OPA1: variants seen among roughly 807,000 people sequenced by gnomAD.
OPA1 encodes the protein OPA1 mitochondrial dynamin like GTPase.
OPA1 carries 59 observed loss-of-function variants against 152.9 expected under a neutral mutation model. That is an observed-to-expected ratio of 0.39 (90% CI 0.31 to 0.48). OPA1 has a LOEUF of 0.48. Ranked by LOEUF, OPA1 falls within the 20% of genes least tolerant of loss-of-function variation. The probability of loss-of-function intolerance (pLI) is 0.96; values close to 1 mark genes in which losing one functional copy is unlikely to be tolerated. For missense variants in OPA1, 1,008 were observed against 1,216.8 expected (o/e 0.83, Z 2.55); for synonymous variants, 400 against 389.9 (o/e 1.03, Z -0.31).
At chr3:193,637,117 T>C in intron 9 of OPA1, 78 bp from the exon 10 acceptor site, 1 of 745,908 alleles carries the variant, frequency 1.3e-6, no homozygotes, top group Non-Finnish European at 2.2e-6. Flanking sequence ...ATTTATCACT[T>C]TTTTCTCTTG....
At chr3:193,606,637 A>G (rs112874560) in intron 1 of OPA1, among the ~76,000 whole-genome samples, 1 of 152,220 alleles carries the variant, frequency 6.6e-6, no homozygotes, top group South Asian at 2.1e-4. Flanking sequence ...TGGTGTATAT[A>G]TGCCACATTT....
chr3:193,694,246 A>C (rs1274376322), intron 30 of OPA1, among the ~76,000 whole-genome samples: 1 of 152,194 alleles, frequency 6.6e-6, no homozygotes, highest in Admixed American at 6.5e-5. Context: ...ACCTTGCTTC[A>C]TTCTGACCAT....
At position 193,648,109 on chromosome 3, in the gene OPA1, A is replaced by G. The variant is rs121908376; in HGVS notation, c.1910A>G (p.Tyr637Cys). Residue 637 changes from tyrosine (Y) to cysteine (C), a missense_variant, in exon 20 of 31, where the codon TAT becomes TGT. Physicochemically the swap from Tyr to Cys is radical, Grantham distance 194. This residue lies in a region of OPA1 where 229 missense variants were observed against 269.0 expected (regional missense o/e 0.85). Transcript: ENST00000361510. ...CTTGAAACTGAATGGAAGAATAACT[A>G]TCCTCGCCTGCGGGAACTTGACCGG... ...FNLETEWKNNYPRLRELDRNE... is the reference protein window; with the variant it reads ...FNLETEWKNNCPRLRELDRNE... The G allele has an allele frequency of 1.2e-6, 2 of 1,613,300 alleles. No individual in the cohort carries two copies. The highest frequency in any genetic ancestry group is 1.3e-5 in the African/African-American group (1 of 74,894).
chr3:193,692,540 T>G (rs1476121585), intron 30 of OPA1, among the ~76,000 whole-genome samples: 1 of 152,232 alleles, frequency 6.6e-6, no homozygotes, highest in East Asian at 1.9e-4. Context: ...AATTAAAATT[T>G]TAATAATTGT....
intron 9 of OPA1, among the ~76,000 whole-genome samples, chr3:193,636,075 G>A (rs1447572855): frequency 2.0e-5 from 3 of 152,088 alleles, no homozygotes; most frequent in African/African-American, 7.2e-5. Context: ...TAAACCACAT[G>A]TGCTAAATTG....
intron 6 of OPA1, chr3:193,619,752 G>A (rs1388405123): frequency 2.0e-5 from 3 of 152,052 alleles, no homozygotes; most frequent in Admixed American, 6.6e-5. Flanking sequence ...TATGGAACAT[G>A]TAATTTTTAT....
At chr3:193,655,981 G>C (rs1304711279) in intron 22 of OPA1, among the ~76,000 whole-genome samples, 1 of 152,056 alleles carries the variant, frequency 6.6e-6, no homozygotes. Context: ...CCTTATCTCT[G>C]TTCTCAATTT....
intron 24 of OPA1, 122 bp downstream of exon 24, chr3:193,659,117 C>A: frequency 2.6e-6 from 2 of 763,236 alleles, no homozygotes; most frequent in Non-Finnish European, 4.5e-6. Context: ...ATACTATAGT[C>A]GAATATTATT....
intron 1 of OPA1, among the ~76,000 whole-genome samples, chr3:193,596,268 T>C (rs939085722): frequency 6.7e-6 from 1 of 148,796 alleles, no homozygotes; most frequent in Non-Finnish European, 1.5e-5. Flanking sequence ...GTTTTACTGT[T>C]GATTTTTTTA....
intron 21 of OPA1, among the ~76,000 whole-genome samples, chr3:193,654,365 G>T (rs149297162): frequency 6.6e-6 from 1 of 151,694 alleles, no homozygotes; most frequent in African/African-American, 2.4e-5. Context: ...GCATAATGGC[G>T]TCCACCTGTA....
At position 193,645,573 on chromosome 3, in the gene OPA1, A is replaced by G. The variant is rs2109057554; in HGVS notation, c.1629A>G (p.Gly543=). The change falls in exon 17 of 31, where the codon GGA becomes GGG. Residue 543 remains glycine (G), a synonymous_variant. Transcript: ENST00000361510. ...SPSRIQQIIE[G]KLFPMKALGY... The stretch of plus-strand genomic sequence containing the variant: ...AATAGATTCAGCAGATAATTGAAGG[A>G]AAGCTCTTCCCAATGAAAGCTTTAG... 6.2e-7 allele frequency: 1 copy of G among 1,612,972 alleles called. No homozygotes were observed. Among genetic ancestry groups the G allele is most frequent in the Non-Finnish European group, 8.5e-7 (1 of 1,179,254 alleles).
At chr3:193,682,362 G>A (rs1720288115) in intron 29 of OPA1, among the ~76,000 whole-genome samples, 1 of 152,172 alleles carries the variant, frequency 6.6e-6, no homozygotes, top group Non-Finnish European at 1.5e-5. Context: ...AAAGTGCAAG[G>A]TGCTGATGTA....
intron 1 of OPA1, among the ~76,000 whole-genome samples, chr3:193,610,223 G>A (rs1187334266): frequency 6.6e-6 from 1 of 152,158 alleles, no homozygotes; most frequent in Admixed American, 6.5e-5. Context: ...TGGTGTGGAT[G>A]TCCTTTCTGT....
At chr3:193,608,236 T>C (rs563607479) in intron 1 of OPA1, among the ~76,000 whole-genome samples, 1 of 152,318 alleles carries the variant, frequency 6.6e-6, no homozygotes, top group East Asian at 1.9e-4. Context: ...ATTTCTTGCC[T>C]TCTGCTGGCT....
chr3:193,639,491 C>A (rs982865752), intron 11 of OPA1, among the ~76,000 whole-genome samples: 6 of 152,144 alleles, frequency 3.9e-5, no homozygotes, highest in African/African-American at 1.2e-4. Flanking sequence ...ATAGCTGATG[C>A]AAAGCCTCTG....
intron 7 of OPA1, chr3:193,627,212 T>A (rs1731296024): frequency 6.6e-6 from 1 of 152,224 alleles, no homozygotes; most frequent in African/African-American, 2.4e-5. Flanking sequence ...TGGTGGTTAG[T>A]ACTTCAGAGT....
At chr3:193,679,018 A>G (rs1430451467) in intron 29 of OPA1, among the ~76,000 whole-genome samples, 10 of 152,154 alleles carry the variant, frequency 6.6e-5, no homozygotes, top group Non-Finnish European at 1.5e-4. Flanking sequence ...GGACTAGAAA[A>G]TACTTCCATG....
chr3:193,643,127 A>G, intron 13 of OPA1, 78 bp downstream of exon 13: 1 of 1,224,640 alleles, frequency 8.2e-7, no homozygotes, highest in Non-Finnish European at 1.2e-6. Flanking sequence ...AAATCTAGGT[A>G]TTGATGTTTA....
chr3:193,675,691 T>A (rs1718853799), intron 29 of OPA1, among the ~76,000 whole-genome samples: 1 of 152,204 alleles, frequency 6.6e-6, no homozygotes, highest in African/African-American at 2.4e-5. Context: ...TAGGCAACTG[T>A]AAATCAATGA....
Sources: allele counts gnomAD v4.1 joint callset (sites outside exome capture counted in the v4.1 genomes callset), GRCh38; gene constraint gnomAD v4.1.1; regional missense constraint gnomAD v4.1.1; transcripts MANE v1.5; gene names NCBI Gene and HGNC (gene_info 2026-07-23, HGNC 2026-07-21).